Variants in NPHP1 observed in about 807,000 individuals in gnomAD.
NPHP1 encodes the protein nephrocystin 1, also known as nephrocystin-1.
Under a neutral mutation model 90.4 loss-of-function variants are expected in NPHP1, and 70 were observed. That is an observed-to-expected ratio of 0.77 (90% confidence interval 0.64 to 0.95). NPHP1 has a LOEUF of 0.95. NPHP1 is among the 40% of genes least tolerant of loss of function. NPHP1 has a pLI of 0.00. For synonymous variants in NPHP1, 256 were observed against 271.7 expected, an observed-to-expected ratio of 0.94 and a Z score of 0.57; for missense variants, 764 against 795.9, an observed-to-expected ratio of 0.96 and a Z score of 0.48.
intron 4 of NPHP1, chr2:110,177,915 G>GT (rs1400968373): frequency 1.3e-5 from 2 of 157,750 alleles, no homozygotes; most frequent in East Asian, 1.9e-4. Context: ...ACTAGTTTGG[G>GT]TTTTTTTGTA....
intron 14 of NPHP1, among the ~76,000 whole-genome samples, chr2:110,145,135 A>T (rs1159425863): frequency 6.6e-6 from 1 of 152,162 alleles, no homozygotes; most frequent in East Asian, 1.9e-4. Flanking sequence ...GAATTTCAAA[A>T]CTAACACATG....
In NPHP1 at chr2:110,126,141, A is replaced by G. The variant is rs1297984881; in HGVS notation, c.1717-460T>C. Reference sequence around the variant, plus strand: ...ACAATTTTGTGAGTAAATATTTCTAATCTGTCCACAGGGCTTCACAGAAAT... The same window carrying G: ...ACAATTTTGTGAGTAAATATTTCTAGTCTGTCCACAGGGCTTCACAGAAAT... On this transcript the variant is annotated intron_variant, in intron 18 of 19. Transcript: ENST00000445609. 5 of 201,658 alleles carry G rather than the reference A, an allele frequency of 2.5e-5. No individual in the cohort carries two copies. In the South Asian group the frequency reaches 4.7e-4, roughly 19 times the overall value. 12.5% of individuals were successfully genotyped at this position (201,658 alleles called of 1,614,324 possible).
intron 2 of NPHP1, among the ~76,000 whole-genome samples, chr2:110,197,637 A>G (rs1344976384): frequency 1.3e-5 from 2 of 152,186 alleles, no homozygotes; most frequent in Admixed American, 1.3e-4. Flanking sequence ...CTTTGTAACC[A>G]TGAGGAGAGA....
chr2:110,185,623 T>C lies in NPHP1; in HGVS notation c.144-5939A>G, dbSNP rs192963005. On this transcript the variant is annotated intron_variant, in intron 2 of 19. Transcript: ENST00000445609. ...GGACCCAGGCAGCTGCTGCCTCCCC[T>C]TGCTGGTCACTCCGCTATCAATGCC... Among the ~76,000 whole-genome samples, 29 of 152,132 alleles carry C rather than the reference T, an allele frequency of 1.9e-4. No individual in the cohort carries two copies. The East Asian group carries it at 5.1e-3, about 26-fold the overall frequency.
chr2:110,199,608 G>A lies in NPHP1; in HGVS notation c.143+1813C>T, dbSNP rs181613523. Reference sequence around the variant, plus strand: ...ACTTCATTACAGCCTGAACGACAGAGTGAGACCCCCCACATCCCCCCAAAA... The same window carrying A: ...ACTTCATTACAGCCTGAACGACAGAATGAGACCCCCCACATCCCCCCAAAA... On this transcript the variant is annotated intron_variant, in intron 2 of 19. Transcript: ENST00000445609. Among the ~76,000 whole-genome samples, 120 of 152,064 alleles carry A rather than the reference G, an allele frequency of 7.9e-4. 3 individuals carry two copies. The highest frequency in any genetic ancestry group is 1.2e-3 in the Non-Finnish European group (84 of 67,972).
intron 12 of NPHP1, among the ~76,000 whole-genome samples, chr2:110,149,353 A>G (rs17842680): frequency 0.04 from 6,118 of 152,250 alleles, 405 homozygotes; most frequent in African/African-American, 0.14. Flanking sequence ...AACTCTTCAC[A>G]TACACAGAGA....
intron 3 of NPHP1, chr2:110,178,840 T>C: frequency 3.8e-6 from 1 of 262,458 alleles, no homozygotes; most frequent in South Asian, 6.7e-5. Context: ...GAAGATCGGC[T>C]TTAAAGTCAA....
At chr2:110,137,028 C>T (rs1006971817) in intron 16 of NPHP1, among the ~76,000 whole-genome samples, 3 of 152,286 alleles carry the variant, frequency 2.0e-5, no homozygotes, top group Admixed American at 2.0e-4. Context: ...CGCATATCTA[C>T]AACCATCTGA....
At chr2:110,125,119 A>G (rs1240348667) in intron 19 of NPHP1, 2 of 1,400,940 alleles carry the variant, frequency 1.4e-6, no homozygotes, top group African/African-American at 1.5e-5. Context: ...TGAAAAGCCA[A>G]GAAGATTTTC....
Position 110,180,039 on chromosome 2 carries a change from T to G in NPHP1, c.144-355A>C, listed in dbSNP as rs202147587. Among the ~76,000 whole-genome samples the G allele has an allele frequency of 2.0e-5, 3 of 152,228 alleles. No homozygotes were observed. In the East Asian group the frequency reaches 5.8e-4, roughly 29 times the overall value. On this transcript the variant is annotated intron_variant, in intron 2 of 19. Transcript: ENST00000445609. Reference sequence around the variant, plus strand: ...ACAAAACTGATAATAGTACCTAAAGTTTACTGTGTGCCAACCATGTTAAGC... The same window carrying G: ...ACAAAACTGATAATAGTACCTAAAGGTTACTGTGTGCCAACCATGTTAAGC...
In NPHP1 at chr2:110,168,566, CAAAGT is replaced by C; in HGVS notation, c.523-18_523-14del. On this transcript the variant is annotated splice_polypyrimidine_tract_variant and intron_variant, in intron 5 of 19. Transcript: ENST00000445609. ...GAATTTCCCCTTTCTTAAAGCAAAA[CAAAGT>C]AAACCATTTTAAATAAAATTCAATA... The C allele has an allele frequency of 6.8e-7, 1 of 1,477,530 alleles. No individual in the cohort carries two copies. Among genetic ancestry groups the C allele is most frequent in the Non-Finnish European group, 9.5e-7 (1 of 1,056,134 alleles). The allele number at this position is 1,477,530 out of a possible 1,614,324, so 91.5% of individuals were successfully genotyped here.
At chr2:110,176,328 A>C (rs1305511847) in intron 4 of NPHP1, among the ~76,000 whole-genome samples, 1 of 152,048 alleles carries the variant, frequency 6.6e-6, no homozygotes, top group African/African-American at 2.4e-5. Context: ...ATTTGAATTA[A>C]ATACACCCAT....
intron 2 of NPHP1, among the ~76,000 whole-genome samples, chr2:110,196,090 A>G (rs1336492502): frequency 6.6e-6 from 1 of 152,078 alleles, no homozygotes; most frequent in East Asian, 1.9e-4. Context: ...GGACATAGGC[A>G]TGGGCAAGGA....
At position 110,184,725 on chromosome 2, in the gene NPHP1, T is replaced by C. The variant is rs1026941347; in HGVS notation, c.144-5041A>G. 8 of 718,558 alleles carry C rather than the reference T, an allele frequency of 1.1e-5. No homozygotes were observed. The African/African-American group carries it at 1.4e-4, about 12-fold the overall frequency. The allele number at this position is 718,558 out of a possible 1,614,324, so 44.5% of individuals were successfully genotyped here. The stretch of plus-strand genomic sequence containing the variant: ...TTTGAGTTTGAGATTGTCAAGGCCA[T>C]AAAAGAAAGACCCTCCTACCTATCC... On this transcript the variant is annotated intron_variant, in intron 2 of 19. Coordinates refer to ENST00000445609, the MANE Select transcript of NPHP1 (RefSeq NM_001128178.3).
At chr2:110,148,944 T>C (rs1681266161) in intron 12 of NPHP1, among the ~76,000 whole-genome samples, 1 of 152,146 alleles carries the variant, frequency 6.6e-6, no homozygotes, top group Admixed American at 6.5e-5. Context: ...TCTAGAAAAC[T>C]TTCCCTGAGC....
chr2:110,170,088 C>A, intron 4 of NPHP1, 90 bp from the exon 5 acceptor site: 1 of 1,490,090 alleles, frequency 6.7e-7, no homozygotes, highest in Non-Finnish European at 9.3e-7. Context: ...ACATGAATAT[C>A]CCATATTTGG....
At position 110,143,538 on chromosome 2, in the gene NPHP1, C is replaced by G. The variant is rs1198440689; in HGVS notation, c.1529+4G>C. 6.2e-7 allele frequency: 1 copy of G among 1,601,780 alleles called. No homozygotes were observed. On this transcript the variant is annotated splice_donor_region_variant and intron_variant, in intron 16 of 19. Coordinates refer to ENST00000445609, the MANE Select transcript of NPHP1 (RefSeq NM_001128178.3). ...TCACTGGACAGGTAAAAGCAGGTAC[C>G]CACCTTAGTACATTTCTTGATCTTC...
chr2:110,159,519 T>C (rs542294717), intron 11 of NPHP1, among the ~76,000 whole-genome samples: 1 of 152,018 alleles, frequency 6.6e-6, no homozygotes, highest in Non-Finnish European at 1.5e-5. Context: ...ATTATGGTTC[T>C]CCAGGAATTT....
At chr2:110,190,332 G>A (rs1574188299) in intron 2 of NPHP1, among the ~76,000 whole-genome samples, 1 of 152,180 alleles carries the variant, frequency 6.6e-6, no homozygotes, top group East Asian at 1.9e-4. Context: ...CACAGAGGGC[G>A]GGGAGGCTCA....
Sources: allele counts gnomAD v4.1 joint callset (sites outside exome capture counted in the v4.1 genomes callset), GRCh38; gene constraint gnomAD v4.1.1; transcripts MANE v1.5; gene names NCBI Gene and HGNC (gene_info 2026-07-23, HGNC 2026-07-21).